The following ZXDC variants were observed in gnomAD, a reference collection of about 807,000 sequenced individuals.
The protein encoded by ZXDC is ZXD family zinc finger C.
A neutral mutation model predicts 63.6 loss-of-function variants in ZXDC; 58 were observed. The ratio of observed to expected loss-of-function variants is 0.91; its 90% CI spans 0.74 to 1.13. The LOEUF (loss-of-function observed/expected upper bound fraction) is 1.13. ZXDC is among the 50% of genes most tolerant of loss of function. ZXDC has a pLI of 0.00. For synonymous variants in ZXDC, 561 were observed against 496.1 expected (o/e 1.13, Z -1.74); for missense variants, 1,133 against 1,148.9 (o/e 0.99, Z 0.20).
In ZXDC at chr3:126,453,116, G is replaced by A. The variant is rs146033431; in HGVS notation, c.2212+6537C>T. 2.2e-4 allele frequency: 221 copies of A among 985,398 alleles called. 1 individual carries two copies. The African/African-American group carries it at 3.4e-3, about 15-fold the overall frequency. The allele number at this position is 985,398 out of a possible 1,614,324, so 61.0% of individuals were successfully genotyped here. On this transcript the variant is annotated intron_variant, in intron 7 of 9. Transcript: ENST00000389709. ...TTACTGCACAAATTCCACAAAGGGG[G>A]AGAACTGAGGAACTATTCATATTCT...
chr3:126,473,208 C>G (rs1389290605), intron 1 of ZXDC, among the ~76,000 whole-genome samples: 1 of 152,152 alleles, frequency 6.6e-6, no homozygotes, highest in Non-Finnish European at 1.5e-5. Context: ...TGTTCACACA[C>G]TTGGTCATGT....
intron 6 of ZXDC, chr3:126,461,280 C>G: frequency 8.5e-6 from 11 of 1,292,096 alleles, no homozygotes; most frequent in Non-Finnish European, 1.1e-5. Context: ...CATGGAGCCA[C>G]AGGACTCCAA....
At chr3:126,439,766 G>GA in intron 8 of ZXDC, 39 bp from the exon 9 acceptor site, 1 of 1,540,130 alleles carries the variant, frequency 6.5e-7, no homozygotes, top group Non-Finnish European at 8.8e-7. Context: ...ACATGTCTGT[G>GA]AGAGTGCAGC....
chr3:126,463,842 T>A (rs1439195711), intron 5 of ZXDC, among the ~76,000 whole-genome samples: 1 of 152,132 alleles, frequency 6.6e-6, no homozygotes, highest in African/African-American at 2.4e-5. Flanking sequence ...ATAATGCAAA[T>A]CTACAAAAGA....
intron 7 of ZXDC, among the ~76,000 whole-genome samples, chr3:126,443,825 A>T (rs572733432): frequency 6.6e-6 from 1 of 152,372 alleles, no homozygotes; most frequent in East Asian, 1.9e-4. Flanking sequence ...AACTGCAATT[A>T]TTAGTAATGC....
chr3:126,474,643 C>G (rs938986240), intron 1 of ZXDC, among the ~76,000 whole-genome samples: 1 of 151,876 alleles, frequency 6.6e-6, no homozygotes, highest in East Asian at 1.9e-4. Flanking sequence ...AAAATAAAGA[C>G]CTGACACATA....
At position 126,441,792 on chromosome 3, in the gene ZXDC, C is replaced by T. The variant is rs750986326; in HGVS notation, c.2367G>A (p.Ala789=). The change falls in exon 8 of 10, where the codon GCG becomes GCA. Residue 789 remains alanine, a synonymous_variant. Transcript: ENST00000389709. ...PAPAAGVQCG[A]QGVQVQLVQD... ...GCACCAGCTGGACCTGGACGCCCTG[C>T]GCCCCGCACTGCACCCCAGCTGCTG... 7.5e-6 allele frequency: 12 copies of T among 1,606,834 alleles called. No individual in the cohort carries two copies. The highest frequency in any genetic ancestry group is 4.4e-5 in the South Asian group (4 of 90,072).
chr3:126,450,933 C>T (rs1211310233), intron 7 of ZXDC, among the ~76,000 whole-genome samples: 2 of 152,154 alleles, frequency 1.3e-5, no homozygotes, highest in Non-Finnish European at 2.9e-5. Context: ...CTCAGGGGGT[C>T]CCGGGGTGGC....
chr3:126,456,591 C>T (rs1446055678), intron 7 of ZXDC, among the ~76,000 whole-genome samples: 3 of 152,226 alleles, frequency 2.0e-5, no homozygotes, highest in South Asian at 4.1e-4. Context: ...CCCTGCCTTG[C>T]CTGGGCCCCT....
chr3:126,455,714 G>A (rs1934277507), intron 7 of ZXDC, among the ~76,000 whole-genome samples: 1 of 152,090 alleles, frequency 6.6e-6, no homozygotes, highest in Non-Finnish European at 1.5e-5. Context: ...CAATATCGTT[G>A]AGGCCGGGCA....
intron 7 of ZXDC, among the ~76,000 whole-genome samples, chr3:126,444,329 G>C (rs763892311): frequency 6.6e-6 from 1 of 152,278 alleles, no homozygotes; most frequent in Admixed American, 6.5e-5. Flanking sequence ...TCAGGAGATC[G>C]AGACCATCCT....
At chr3:126,452,493 TC>T in intron 7 of ZXDC, 1 of 985,428 alleles carries the variant, frequency 1.0e-6, no homozygotes, top group Non-Finnish European at 1.2e-6. Flanking sequence ...CCAACTGCTC[TC>T]CCTGAAACCT....
chr3:126,445,622 G>A lies in ZXDC; in HGVS notation c.2213-3676C>T, dbSNP rs562201088. Among the ~76,000 whole-genome samples the A allele has an allele frequency of 2.0e-5, 3 of 151,774 alleles. No individual in the cohort carries two copies. The South Asian group carries it at 6.2e-4, about 32-fold the overall frequency. On this transcript the variant is annotated intron_variant, in intron 7 of 9. Transcript: ENST00000389709. ...GCAGAAGGACAGCTGTGGGTGAGGG[G>A]GAGAACCTGCCACAGATGAGCTCGG...
At chr3:126,464,266 AACAGTCATGATCACC>A (rs1934665336) in intron 5 of ZXDC, among the ~76,000 whole-genome samples, 1 of 152,238 alleles carries the variant, frequency 6.6e-6, no homozygotes, top group African/African-American at 2.4e-5. Flanking sequence ...CATCTGGCAA[AACAGTCATGATCACC>A]ACAGTTCAAA....
chr3:126,462,774 C>A (rs1240512435), intron 5 of ZXDC, among the ~76,000 whole-genome samples: 1 of 152,224 alleles, frequency 6.6e-6, no homozygotes, highest in Non-Finnish European at 1.5e-5. Context: ...CCAAAACCGA[C>A]TGGAGCCATA....
At chr3:126,465,864 TC>T (rs749725894) in intron 5 of ZXDC, among the ~76,000 whole-genome samples, 2 of 151,954 alleles carry the variant, frequency 1.3e-5, no homozygotes, top group African/African-American at 2.4e-5. Flanking sequence ...GGTGGGAGGA[TC>T]ACTTGAGCAG....
chr3:126,441,057 G>C (rs561765376), intron 8 of ZXDC: 170 of 985,610 alleles, frequency 1.7e-4, no homozygotes, highest in Admixed American at 4.9e-4. Flanking sequence ...GCCCCGGCTT[G>C]TATATCTCTT....
chr3:126,451,409 C>G, intron 7 of ZXDC: 1 of 985,428 alleles, frequency 1.0e-6, no homozygotes, highest in East Asian at 1.1e-4. Context: ...CACTGAGCAG[C>G]AGCAGCATGT....
intron 7 of ZXDC, among the ~76,000 whole-genome samples, chr3:126,458,214 T>C (rs1934384796): frequency 6.7e-6 from 1 of 149,382 alleles, no homozygotes; most frequent in South Asian, 2.1e-4. Flanking sequence ...ATTAGATGGC[T>C]ATAATTTTTT....
Sources: gnomAD v4.1 joint callset for allele counts (sites outside exome capture counted in the v4.1 genomes callset) on GRCh38, gnomAD v4.1.1 for gene constraint, MANE v1.5 for transcripts, NCBI Gene and HGNC (gene_info 2026-07-23, HGNC 2026-07-21) for gene names.